The following ENTREP2 variants were observed in gnomAD, a reference collection of about 807,000 sequenced individuals.
ENTREP2 encodes protein ENTREP2.
chr15:29,671,419 T>C, the ENTREP2 span, among the ~76,000 whole-genome samples: 10 of 152,220 alleles, frequency 6.6e-5, no homozygotes, highest in African/African-American at 2.4e-4. Flanking sequence ...ACCTAAGACT[T>C]GGGACTGGCG....
At chr15:29,579,835 C>G in the ENTREP2 span, among the ~76,000 whole-genome samples, 2 of 151,222 alleles carry the variant, frequency 1.3e-5, no homozygotes, top group Non-Finnish European at 2.9e-5. Flanking sequence ...CTCAGCCTCC[C>G]GAGTAGCTGG....
chr15:29,214,002 C>G, the ENTREP2 span, among the ~76,000 whole-genome samples: 3 of 151,048 alleles, frequency 2.0e-5, no homozygotes, highest in African/African-American at 7.3e-5. Context: ...CCATCTCATG[C>G]CAGTTAGAAT....
At chr15:29,656,036 AAAAAAAAC>A in the ENTREP2 span, among the ~76,000 whole-genome samples, 2 of 149,740 alleles carry the variant, frequency 1.3e-5, no homozygotes, top group East Asian at 1.9e-4. Context: ...AAAAAAAAAA[AAAAAAAAC>A]AACTATGTAG....
the ENTREP2 span, among the ~76,000 whole-genome samples, chr15:29,529,409 T>A: frequency 1.1e-4 from 16 of 151,718 alleles, no homozygotes; most frequent in Non-Finnish European, 1.9e-4. Context: ...GACTGGCTAG[T>A]TTGAAGAATC....
the ENTREP2 span, among the ~76,000 whole-genome samples, chr15:29,199,784 G>A: frequency 1.3e-5 from 2 of 152,186 alleles, no homozygotes; most frequent in African/African-American, 4.8e-5. Flanking sequence ...CACTTTTGGT[G>A]TTGATCTAAG....
chr15:29,292,889 C>G, the ENTREP2 span, among the ~76,000 whole-genome samples: 1 of 152,150 alleles, frequency 6.6e-6, no homozygotes, highest in African/African-American at 2.4e-5. Flanking sequence ...ATAAAGAATA[C>G]CAGATGCAGG....
At chr15:29,207,547 C>A in the ENTREP2 span, among the ~76,000 whole-genome samples, 1 of 152,124 alleles carries the variant, frequency 6.6e-6, no homozygotes, top group African/African-American at 2.4e-5. Flanking sequence ...TCCTCCCCCA[C>A]GATTGGCTAC....
At chr15:29,435,110 G>A in the ENTREP2 span, among the ~76,000 whole-genome samples, 6 of 152,004 alleles carry the variant, frequency 3.9e-5, no homozygotes, top group East Asian at 1.9e-4. Context: ...TCCAGGCTGC[G>A]CCCTACTAAC....
At chr15:29,381,903 C>T in the ENTREP2 span, 8 of 1,374,058 alleles carry the variant, frequency 5.8e-6, no homozygotes, top group African/African-American at 1.4e-5. Flanking sequence ...ACACTGTGAA[C>T]CGTTTCAACC....
chr15:29,387,963 T>A, the ENTREP2 span, among the ~76,000 whole-genome samples: 1 of 152,152 alleles, frequency 6.6e-6, no homozygotes, highest in African/African-American at 2.4e-5. Context: ...TATACAAAAA[T>A]TAATTCAAGA....
At chr15:29,266,002 A>T in the ENTREP2 span, 1 of 152,226 alleles carries the variant, frequency 6.6e-6, no homozygotes, top group African/African-American at 2.4e-5. Flanking sequence ...TGATCGTAAC[A>T]CATTTAGGTC....
At chr15:29,462,854 A>G in the ENTREP2 span, among the ~76,000 whole-genome samples, 14 of 152,266 alleles carry the variant, frequency 9.2e-5, no homozygotes, top group Non-Finnish European at 1.5e-4. Context: ...AGAACCCTCT[A>G]CAATAAAATC....
chr15:29,235,637 A>G, the ENTREP2 span, among the ~76,000 whole-genome samples: 1 of 152,222 alleles, frequency 6.6e-6, no homozygotes, highest in South Asian at 2.1e-4. Flanking sequence ...GAAAGCTCTT[A>G]AAACAGTAAG....
chr15:29,518,773 C>T, the ENTREP2 span, among the ~76,000 whole-genome samples: 9 of 152,300 alleles, frequency 5.9e-5, no homozygotes, highest in African/African-American at 2.2e-4. Flanking sequence ...ACTAGTGACA[C>T]AGGGGAAAGC....
the ENTREP2 span, among the ~76,000 whole-genome samples, chr15:29,170,684 TGTGAGGACACA>T: frequency 6.6e-6 from 1 of 152,184 alleles, no homozygotes; most frequent in African/African-American, 2.4e-5. Context: ...CCCCACACCA[TGTGAGGACACA>T]GTGACAAGGC....
At chr15:29,374,636 T>C in the ENTREP2 span, 2 of 152,116 alleles carry the variant, frequency 1.3e-5, no homozygotes, top group Admixed American at 6.5e-5. Context: ...TTATTCCATT[T>C]TGAAAAAAAA....
At chr15:29,123,710 T>A in the ENTREP2 span, 1 of 1,490,992 alleles carries the variant, frequency 6.7e-7, no homozygotes, top group Non-Finnish European at 9.0e-7. Flanking sequence ...AGAAGTTAAC[T>A]CAAAAGCAAA....
At chr15:29,614,027 A>G in the ENTREP2 span, 2 of 152,856 alleles carry the variant, frequency 1.3e-5, no homozygotes, top group South Asian at 4.1e-4. Context: ...CAGCTATTTC[A>G]TGGAATGGAT....
chr15:29,245,784 G>A, the ENTREP2 span, among the ~76,000 whole-genome samples: 1 of 152,108 alleles, frequency 6.6e-6, no homozygotes, highest in Non-Finnish European at 1.5e-5. Context: ...TAATAAAATT[G>A]TACAATTTTG....
Sources: allele counts gnomAD v4.1 joint callset (sites outside exome capture counted in the v4.1 genomes callset), GRCh38; gene constraint gnomAD v4.1.1; transcripts MANE v1.5; gene names NCBI Gene and HGNC (gene_info 2026-07-23, HGNC 2026-07-21).